TANGO6: variants seen among roughly 807,000 people sequenced by gnomAD.
The protein encoded by TANGO6 is transport and Golgi organization protein 6 homolog.
In TANGO6, 90 loss-of-function variants were observed where a neutral mutation model predicts 114.2. The ratio of observed to expected loss-of-function variants is 0.79; its 90% CI spans 0.66 to 0.94. The LOEUF is 0.94. TANGO6 is among the 40% of genes least tolerant of loss of function. The pLI is 0.00. For missense variants in TANGO6, 1,274 were observed against 1,315.3 expected, an observed-to-expected ratio of 0.97 and a Z score of 0.49; for synonymous variants, 477 against 509.8, an observed-to-expected ratio of 0.94 and a Z score of 0.87.
intron 15 of TANGO6, among the ~76,000 whole-genome samples, chr16:68,988,328 C>T (rs1963915551): frequency 6.6e-6 from 1 of 152,162 alleles, no homozygotes; most frequent in African/African-American, 2.4e-5. Context: ...TTCTCCAGGC[C>T]TTCCTGACAA....
chr16:68,867,383 T>A, intron 4 of TANGO6, 163 bp downstream of exon 4: 3 of 794,274 alleles, frequency 3.8e-6, no homozygotes, highest in Non-Finnish European at 5.9e-6. Context: ...TTAATGAGCT[T>A]CTTTTCCAAA....
At chr16:68,959,539 A>AG (rs759151567) in intron 14 of TANGO6, among the ~76,000 whole-genome samples, 6 of 152,254 alleles carry the variant, frequency 3.9e-5, no homozygotes, top group Non-Finnish European at 7.4e-5. Flanking sequence ...GTGAGCCAAG[A>AG]TCACGCCACT....
At chr16:68,876,441 G>A (rs923091267) in intron 5 of TANGO6, among the ~76,000 whole-genome samples, 3 of 152,118 alleles carry the variant, frequency 2.0e-5, no homozygotes, top group Non-Finnish European at 4.4e-5. Flanking sequence ...GATTATAGGC[G>A]TGAGCCACCA....
intron 17 of TANGO6, among the ~76,000 whole-genome samples, chr16:69,046,687 G>T (rs566555512): frequency 6.6e-6 from 1 of 152,048 alleles, no homozygotes; most frequent in Non-Finnish European, 1.5e-5. Context: ...TTTCTGCAAA[G>T]ATGGGAAATC....
intron 17 of TANGO6, among the ~76,000 whole-genome samples, chr16:69,068,778 A>G (rs1960255113): frequency 1.3e-5 from 2 of 152,170 alleles, no homozygotes; most frequent in African/African-American, 2.4e-5. Flanking sequence ...CGGTGACGCC[A>G]TCTTGGCTCA....
rs542643969 is a variant in TANGO6 at position 68,917,919 on chromosome 16, AT to A, written c.1993-1148del. 7.7e-3 allele frequency among the ~76,000 whole-genome samples: 1,064 copies of A among 137,308 alleles called. 3 individuals carry two copies. The highest frequency in any genetic ancestry group is 0.017 in the African/African-American group (611 of 36,856). 90.1% of individuals were successfully genotyped at this position (137,308 alleles called of 152,430 possible). A position where few individuals can be genotyped will look rare whatever the true frequency, so the allele number is the denominator to read the frequency against. On this transcript the variant is annotated intron_variant, in intron 11 of 17. Transcript: ENST00000261778. Reference sequence around the variant, plus strand: ...AGGCACTTGCCACTATGCCTGGCTAATTTTTTTTTTTTTTTTTTGAGATAGG... The same window carrying A: ...AGGCACTTGCCACTATGCCTGGCTAATTTTTTTTTTTTTTTTTGAGATAGG...
chr16:69,070,070 G>T (rs1014545184), intron 17 of TANGO6, among the ~76,000 whole-genome samples: 5 of 150,612 alleles, frequency 3.3e-5, no homozygotes, highest in Admixed American at 3.3e-4. Flanking sequence ...AAAAAGCTAG[G>T]TGTGGCATGT....
chr16:68,859,832 G>T, intron 1 of TANGO6, 52 bp from the exon 2 acceptor site: 1 of 1,496,612 alleles, frequency 6.7e-7, no homozygotes. Flanking sequence ...ACAGGGGGAA[G>T]TGCAGCTTGT....
intron 14 of TANGO6, among the ~76,000 whole-genome samples, chr16:68,952,847 G>A (rs903251181): frequency 6.6e-6 from 1 of 152,030 alleles, no homozygotes; most frequent in Admixed American, 6.6e-5. Context: ...CCACCTGCTG[G>A]GACATGATTG....
intron 17 of TANGO6, among the ~76,000 whole-genome samples, chr16:69,054,656 G>A (rs570889124): frequency 6.6e-6 from 1 of 152,116 alleles, no homozygotes; most frequent in African/African-American, 2.4e-5. Context: ...GTTGCTGGCC[G>A]GGCGTGGTGG....
chr16:68,852,278 G>A (rs953993691), intron 1 of TANGO6, among the ~76,000 whole-genome samples: 3 of 152,162 alleles, frequency 2.0e-5, no homozygotes, highest in Middle Eastern at 3.4e-3. Context: ...GATAGAATTA[G>A]ACCATAATTT....
chr16:68,898,956 T>TTAC (rs1167636839), intron 7 of TANGO6, among the ~76,000 whole-genome samples: 1 of 132,932 alleles, frequency 7.5e-6, no homozygotes, highest in African/African-American at 3.6e-5. Flanking sequence ...CTTATTATTA[T>TTAC]TATTATTATT....
At chr16:68,894,868 T>G (rs1962682499) in intron 7 of TANGO6, among the ~76,000 whole-genome samples, 1 of 152,132 alleles carries the variant, frequency 6.6e-6, no homozygotes, top group Non-Finnish European at 1.5e-5. Flanking sequence ...CCCATATCCA[T>G]GAAGCAATCA....
chr16:68,899,681 C>T (rs1476003047), intron 7 of TANGO6, among the ~76,000 whole-genome samples: 2 of 151,966 alleles, frequency 1.3e-5, no homozygotes, highest in African/African-American at 4.8e-5. Context: ...CTTATTGCAG[C>T]TTTGAATTCC....
chr16:68,867,026 C>G, intron 3 of TANGO6, 53 bp from the exon 4 acceptor site: 1 of 1,200,514 alleles, frequency 8.3e-7, no homozygotes, highest in Non-Finnish European at 1.1e-6. Flanking sequence ...TACGCCCGGC[C>G]ATCATATCTA....
At chr16:69,050,075 T>A (rs1288340403) in intron 17 of TANGO6, among the ~76,000 whole-genome samples, 1 of 152,210 alleles carries the variant, frequency 6.6e-6, no homozygotes, top group Non-Finnish European at 1.5e-5. Context: ...TATGTTTTCA[T>A]TTCTCTTGGG....
At chr16:68,970,897 C>A (rs184793869) in intron 14 of TANGO6, among the ~76,000 whole-genome samples, 53 of 152,196 alleles carry the variant, frequency 3.5e-4, no homozygotes, top group African/African-American at 1.2e-3. Flanking sequence ...GTGGCTCACG[C>A]CTGTAATCCC....
chr16:68,980,129 A>C (rs1963810410), intron 15 of TANGO6, among the ~76,000 whole-genome samples: 1 of 151,910 alleles, frequency 6.6e-6, no homozygotes, highest in African/African-American at 2.4e-5. Flanking sequence ...TACAGGCGTG[A>C]GCCACCACGC....
chr16:68,928,429 C>T (rs560042082), intron 13 of TANGO6, among the ~76,000 whole-genome samples: 127 of 151,284 alleles, frequency 8.4e-4, no homozygotes, highest in African/African-American at 2.5e-3. Context: ...CTCAGCCTCC[C>T]GAGTAGCTGG....
Sources: gnomAD v4.1 joint callset for allele counts (sites outside exome capture counted in the v4.1 genomes callset) on GRCh38, gnomAD v4.1.1 for gene constraint, MANE v1.5 for transcripts, NCBI Gene and HGNC (gene_info 2026-07-23, HGNC 2026-07-21) for gene names.